The following MFHAS1 variants were observed in gnomAD, a reference collection of about 807,000 sequenced individuals.
MFHAS1 encodes malignant fibrous histiocytoma-amplified sequence 1.
In MFHAS1, 50 loss-of-function variants were observed where a neutral mutation model predicts 70.4. That is an observed-to-expected ratio of 0.71 (90% confidence interval 0.57 to 0.90). The LOEUF (loss-of-function observed/expected upper bound fraction) is 0.90. Ranked by LOEUF, MFHAS1 falls within the 40% of genes least tolerant of loss-of-function variation. The pLI is 0.00. For missense variants in MFHAS1, 1,795 were observed against 1,347.6 expected, an observed-to-expected ratio of 1.33 and a Z score of -5.20; for synonymous variants, 952 against 620.0, an observed-to-expected ratio of 1.54 and a Z score of -7.96.
At chr8:8,855,426 C>G (rs1808400945) in intron 1 of MFHAS1, among the ~76,000 whole-genome samples, 1 of 152,248 alleles carries the variant, frequency 6.6e-6, no homozygotes, top group Non-Finnish European at 1.5e-5. Context: ...TTCAAGAACA[C>G]AGGGAAGGAG....
chr8:8,830,073 A>T (rs1448859697), intron 1 of MFHAS1, among the ~76,000 whole-genome samples: 1 of 152,146 alleles, frequency 6.6e-6, no homozygotes, highest in Non-Finnish European at 1.5e-5. Context: ...CAGGGACCAC[A>T]TTTGAAATGC....
At chr8:8,853,987 A>T (rs1007369962) in intron 1 of MFHAS1, among the ~76,000 whole-genome samples, 1 of 152,092 alleles carries the variant, frequency 6.6e-6, no homozygotes, top group African/African-American at 2.4e-5. Flanking sequence ...ACACCAACCA[A>T]CTCCATGAAC....
At position 8,819,056 on chromosome 8, in the gene MFHAS1, T is replaced by C. The variant is rs1249723821; in HGVS notation, c.2999-21565A>G. On this transcript the variant is annotated intron_variant, in intron 1 of 2. Coordinates refer to ENST00000276282, the MANE Select transcript of MFHAS1 (RefSeq NM_004225.3). The stretch of plus-strand genomic sequence containing the variant: ...TGAAAATAATCAAAATGCTCATCAA[T>C]AGAAGGCTGGCTAAATAAAGTCGGC... Among the ~76,000 whole-genome samples the C allele has an allele frequency of 3.3e-5, 5 of 152,178 alleles. No homozygotes were observed. The East Asian group carries it at 5.8e-4, about 18-fold the overall frequency.
intron 1 of MFHAS1, among the ~76,000 whole-genome samples, chr8:8,817,453 C>T (rs1806789412): frequency 6.6e-6 from 1 of 152,222 alleles, no homozygotes; most frequent in African/African-American, 2.4e-5. Context: ...CTCATTCCTC[C>T]TCACAGTGCT....
chr8:8,790,030 G>T (rs1237152051), intron 2 of MFHAS1, among the ~76,000 whole-genome samples: 8 of 151,998 alleles, frequency 5.3e-5, no homozygotes, highest in African/African-American at 1.5e-4. Flanking sequence ...GGACCCACTT[G>T]ATGTTTTATT....
intron 2 of MFHAS1, among the ~76,000 whole-genome samples, chr8:8,791,338 C>T (rs1805713469): frequency 1.3e-5 from 2 of 152,158 alleles, no homozygotes; most frequent in Non-Finnish European, 2.9e-5. Flanking sequence ...TAAGAAACCA[C>T]ATGTTAGAAT....
chr8:8,848,904 T>C (rs911304596), intron 1 of MFHAS1, among the ~76,000 whole-genome samples: 3 of 152,162 alleles, frequency 2.0e-5, no homozygotes, highest in African/African-American at 4.8e-5. Flanking sequence ...ACCTTTTTTC[T>C]TCTGAAGGTA....
chr8:8,887,535 G>A (rs1809807856), intron 1 of MFHAS1, among the ~76,000 whole-genome samples: 1 of 150,142 alleles, frequency 6.7e-6, no homozygotes, highest in Non-Finnish European at 1.5e-5. Context: ...GTACGTTGGT[G>A]TATATATACA....
chr8:8,813,622 G>C (rs566128405), intron 1 of MFHAS1, among the ~76,000 whole-genome samples: 50 of 152,112 alleles, frequency 3.3e-4, no homozygotes, highest in African/African-American at 1.2e-3. Context: ...CATACAATAA[G>C]GATATAAAGA....
intron 1 of MFHAS1, among the ~76,000 whole-genome samples, chr8:8,882,957 A>G (rs1016222876): frequency 6.6e-6 from 1 of 152,156 alleles, no homozygotes; most frequent in Non-Finnish European, 1.5e-5. Context: ...GTTTGAGACC[A>G]GCCTGGCCAA....
At chr8:8,807,034 TG>T (rs1252320967) in intron 1 of MFHAS1, among the ~76,000 whole-genome samples, 2 of 152,000 alleles carry the variant, frequency 1.3e-5, no homozygotes, top group East Asian at 1.9e-4. Context: ...TTTATGATGT[TG>T]GGGGTATAGA....
intron 1 of MFHAS1, among the ~76,000 whole-genome samples, chr8:8,862,650 T>C (rs948527414): frequency 2.6e-5 from 4 of 152,218 alleles, no homozygotes; most frequent in African/African-American, 9.6e-5. Context: ...TAACGGTGGA[T>C]ACATCTAATT....
chr8:8,891,502 G>A lies in MFHAS1; in HGVS notation c.1557C>T (p.Phe519=), dbSNP rs1258862004. 23 of 1,612,980 alleles carry A rather than the reference G, an allele frequency of 1.4e-5. No homozygotes were observed. The highest frequency in any genetic ancestry group is 1.9e-5 in the Non-Finnish European group (23 of 1,180,036). ...PRHFPTTVGS[F]LHRVGARVPH... is the part of the protein sequence containing the mutation. ...GCACTCTCGCCCCGACCCGATGCAA[G>A]AAGGAGCCCACGGTGGTAGGAAAGT... Residue 519 remains phenylalanine (F), a synonymous_variant, in exon 1 of 3, where the codon TTC becomes TTT. Transcript: ENST00000276282. This position sits in a 1 kb window ranked among gnomAD's most constrained non-coding sequence, Gnocchi z 5.4.
At chr8:8,794,070 G>C (rs1163754454) in intron 2 of MFHAS1, among the ~76,000 whole-genome samples, 1 of 152,024 alleles carries the variant, frequency 6.6e-6, no homozygotes, top group Admixed American at 6.6e-5. Context: ...TGCGCCTGTA[G>C]TCCTAGCTAC....
chr8:8,844,868 T>A (rs1807969689), intron 1 of MFHAS1, among the ~76,000 whole-genome samples: 1 of 152,178 alleles, frequency 6.6e-6, no homozygotes, highest in African/African-American at 2.4e-5. Context: ...CAAATTTAAG[T>A]TCTAATACTG....
chr8:8,891,169 C>T lies in MFHAS1; in HGVS notation c.1890G>A (p.Arg630=). The change falls in exon 1 of 3, where the codon AGG becomes AGA. Residue 630 remains arginine (R), a synonymous_variant. Coordinates refer to ENST00000276282, the MANE Select transcript of MFHAS1 (RefSeq NM_004225.3). This position sits in a 1 kb window ranked among gnomAD's most constrained non-coding sequence, Gnocchi z 5.4. ...GAAGGCGTCGTAAGTGGCGCGGGTC[C>T]CTGCAGCTAACAGGCAACACGGGGG... is the stretch of plus-strand genomic sequence containing the variant. ...ILSPVLPVSC[R]DPRHLRRLRD... 1 of 1,613,450 alleles carries T rather than the reference C, an allele frequency of 6.2e-7. No individual in the cohort carries two copies. The highest frequency in any genetic ancestry group is 1.3e-5 in the African/African-American group (1 of 75,044).
intron 1 of MFHAS1, among the ~76,000 whole-genome samples, chr8:8,847,981 C>G (rs1293317930): frequency 1.3e-5 from 2 of 152,212 alleles, no homozygotes; most frequent in African/African-American, 2.4e-5. Context: ...AAAACACTAT[C>G]CAAACATCCT....
At chr8:8,877,315 A>AAAAAAAC (rs1267478702) in intron 1 of MFHAS1, among the ~76,000 whole-genome samples, 4 of 150,720 alleles carry the variant, frequency 2.7e-5, no homozygotes, top group South Asian at 2.1e-4. Context: ...AAAAAAAAAA[A>AAAAAAAC]AAAAACTACG....
chr8:8,846,265 G>T (rs375492663), intron 1 of MFHAS1, among the ~76,000 whole-genome samples: 174 of 97,738 alleles, frequency 1.8e-3, no homozygotes, highest in African/African-American at 2.4e-3. Flanking sequence ...AAAAAAAGGG[G>T]GGGGGGGAAG....
Sources: allele counts gnomAD v4.1 joint callset (sites outside exome capture counted in the v4.1 genomes callset), GRCh38; gene constraint gnomAD v4.1.1; non-coding constraint Gnocchi (gnomAD v3.1); transcripts MANE v1.5; gene names NCBI Gene and HGNC (gene_info 2026-07-23, HGNC 2026-07-21).